Variants in SNX9 observed in about 807,000 individuals in gnomAD.
The protein encoded by SNX9 is sorting nexin 9.
Under a neutral mutation model 89.4 loss-of-function variants are expected in SNX9, and 44 were observed. The ratio of observed to expected loss-of-function variants is 0.49; its 90% CI spans 0.39 to 0.63. The LOEUF (loss-of-function observed/expected upper bound fraction) is 0.63, where lower values mean the gene tolerates loss of function less well. SNX9 is among the 30% of genes least tolerant of loss of function. The pLI is 0.00. For synonymous variants in SNX9, 236 were observed against 247.8 expected (o/e 0.95, Z 0.45); for missense variants, 578 against 736.1 (o/e 0.79, Z 2.49).
intron 6 of SNX9, among the ~76,000 whole-genome samples, chr6:157,903,774 T>A (rs1486912980): frequency 6.6e-6 from 1 of 152,158 alleles, no homozygotes; most frequent in Non-Finnish European, 1.5e-5. Context: ...TAAGGCAAGT[T>A]TCGTGACCTG....
chr6:157,901,167 A>G (rs1484014069), intron 5 of SNX9, among the ~76,000 whole-genome samples: 4 of 152,194 alleles, frequency 2.6e-5, no homozygotes. Context: ...TCATTCTGGC[A>G]GTCCCACCTG....
At position 157,875,083 on chromosome 6, in the gene SNX9, T is replaced by C. The variant is rs1346521872; in HGVS notation, c.207T>C (p.Ser69=). The change falls in exon 4 of 18, where the codon TCT becomes TCC. Residue 69 remains serine (S), a synonymous_variant. Transcript: ENST00000392185. ...ILPSDGKDQF[S]CGNSVADQAF... is the part of the protein sequence containing the mutation. The stretch of plus-strand genomic sequence containing the variant: ...CCAGTGATGGAAAAGATCAATTTTC[T>C]TGTGGAAATTCAGTGGCTGACCAAG... 2 of 1,613,906 alleles carry C rather than the reference T, an allele frequency of 1.2e-6. No individual in the cohort carries two copies. The highest frequency in any genetic ancestry group is 1.3e-5 in the African/African-American group (1 of 74,908).
At chr6:157,889,562 T>C (rs16900493) in intron 4 of SNX9, among the ~76,000 whole-genome samples, 17,698 of 152,226 alleles carry the variant, frequency 0.12, 1,567 homozygotes, top group African/African-American at 0.25. Context: ...ATATTTGTGC[T>C]GAAAGTCCCA....
At chr6:157,887,886 T>C (rs527262421) in intron 4 of SNX9, among the ~76,000 whole-genome samples, 65 of 152,224 alleles carry the variant, frequency 4.3e-4, no homozygotes, top group Non-Finnish European at 5.7e-4. Flanking sequence ...TACAGGACAG[T>C]TGTGGAACCG....
At chr6:157,873,211 A>C in intron 3 of SNX9, 35 bp downstream of exon 3, 778 of 1,467,012 alleles carry the variant, frequency 5.3e-4, no homozygotes, top group Non-Finnish European at 6.5e-4. Flanking sequence ...ATTAGAGCTC[A>C]TCTTTGCCAG....
chr6:157,859,352 TA>T, intron 1 of SNX9, among the ~76,000 whole-genome samples: 1 of 152,258 alleles, frequency 6.6e-6, no homozygotes, highest in East Asian at 1.9e-4. Context: ...TGTAGCATGC[TA>T]TATGCCCTGT....
chr6:157,939,129 A>T (rs547227570), intron 16 of SNX9, among the ~76,000 whole-genome samples: 146 of 151,664 alleles, frequency 9.6e-4, no homozygotes, highest in African/African-American at 3.4e-3. Flanking sequence ...TTTAGGCACA[A>T]TTTTTTTGTG....
chr6:157,869,802 G>T (rs989459765), intron 2 of SNX9, among the ~76,000 whole-genome samples: 1 of 151,808 alleles, frequency 6.6e-6, no homozygotes, highest in Non-Finnish European at 1.5e-5. Context: ...GCACACACAC[G>T]TGCACCCATG....
intron 6 of SNX9, among the ~76,000 whole-genome samples, chr6:157,904,755 G>T (rs914787894): frequency 3.3e-5 from 5 of 152,104 alleles, no homozygotes; most frequent in Non-Finnish European, 7.4e-5. Context: ...AGTGTTGCAG[G>T]TTAGCCTAAT....
intron 9 of SNX9, among the ~76,000 whole-genome samples, chr6:157,910,888 G>A (rs9458833): frequency 0.11 from 16,621 of 152,164 alleles, 1,048 homozygotes; most frequent in African/African-American, 0.16. Flanking sequence ...TTGGGAGGCC[G>A]AGGCGGGCGG....
intron 4 of SNX9, among the ~76,000 whole-genome samples, chr6:157,887,449 A>G (rs1451593406): frequency 6.6e-6 from 1 of 152,096 alleles, no homozygotes; most frequent in Non-Finnish European, 1.5e-5. Flanking sequence ...TGCAGTCTCC[A>G]GAGCTCTCTC....
At position 157,940,920 on chromosome 6, in the gene SNX9, T is replaced by G; in HGVS notation, c.1686T>G (p.Asp562Glu). 15 of 1,614,200 alleles carry G rather than the reference T, an allele frequency of 9.3e-6. No homozygotes were observed. Among genetic ancestry groups the G allele is most frequent in the Non-Finnish European group, 1.3e-5 (15 of 1,180,034 alleles). The change falls in exon 17 of 18, where the codon GAT becomes GAG. Residue 562 changes from aspartate to glutamate, a missense_variant. By Grantham distance (45) the Asp-to-Glu change is conservative (BLOSUM62 2). Around this residue, in one of 2 missense-constraint regions of SNX9, gnomAD observed 348 missense variants for 491.4 expected, o/e 0.71. Transcript: ENST00000392185. ...MNHFHSNRIY[D>E]YNSVIRLYLE... is the part of the protein sequence containing the mutation. ...ACTTTCACAGTAACCGGATCTATGATTACAACAGTGTCATCCGCCTGTACC... is the reference window on the plus strand; with the variant it reads ...ACTTTCACAGTAACCGGATCTATGAGTACAACAGTGTCATCCGCCTGTACC...
intron 7 of SNX9, among the ~76,000 whole-genome samples, chr6:157,909,324 TA>T (rs1439221803): frequency 6.6e-6 from 1 of 152,214 alleles, no homozygotes; most frequent in Non-Finnish European, 1.5e-5. Flanking sequence ...TCGAAATTTT[TA>T]AAAACTAGTC....
At chr6:157,904,201 C>T (rs534446287) in intron 6 of SNX9, among the ~76,000 whole-genome samples, 34 of 152,068 alleles carry the variant, frequency 2.2e-4, no homozygotes, top group Non-Finnish European at 3.7e-4. Flanking sequence ...TTTGGGAGGC[C>T]GAGGCAGGCA....
chr6:157,879,286 G>A (rs928746457), intron 4 of SNX9, among the ~76,000 whole-genome samples: 5 of 152,210 alleles, frequency 3.3e-5, no homozygotes, highest in Non-Finnish European at 7.4e-5. Flanking sequence ...ATGAACTATA[G>A]GCAGCCACGC....
intron 1 of SNX9, among the ~76,000 whole-genome samples, chr6:157,865,788 T>A (rs1782249778): frequency 6.6e-6 from 1 of 152,222 alleles, no homozygotes. Flanking sequence ...TAAAATAATT[T>A]CAGGCATCAT....
At chr6:157,908,539 T>C (rs1442704465) in intron 7 of SNX9, among the ~76,000 whole-genome samples, 1 of 152,200 alleles carries the variant, frequency 6.6e-6, no homozygotes, top group Non-Finnish European at 1.5e-5. Context: ...GTTTATGAAA[T>C]GAATGAGGCA....
intron 10 of SNX9, among the ~76,000 whole-genome samples, chr6:157,925,633 T>TAG (rs1050231230): frequency 6.6e-6 from 1 of 152,008 alleles, no homozygotes. Flanking sequence ...ATGAAATGAA[T>TAG]GAACTGTAGT....
intron 4 of SNX9, among the ~76,000 whole-genome samples, chr6:157,889,228 C>T (rs142982499): frequency 0.046 from 7,017 of 151,914 alleles, 202 homozygotes; most frequent in East Asian, 0.11. Context: ...GTCAGGAGTT[C>T]GAGACCAGCC....
Sources: allele counts gnomAD v4.1 joint callset (sites outside exome capture counted in the v4.1 genomes callset), GRCh38; gene constraint gnomAD v4.1.1; regional missense constraint gnomAD v4.1.1; transcripts MANE v1.5; gene names NCBI Gene and HGNC (gene_info 2026-07-23, HGNC 2026-07-21).